Variants in GPRC6A observed in about 807,000 individuals in gnomAD.
The protein encoded by GPRC6A is G protein-coupled receptor class C group 6 member A, also known as G protein-coupled receptor family C group 6 member A.
A neutral mutation model predicts 47.0 loss-of-function variants in GPRC6A; 54 were observed. The observed-to-expected ratio is 1.15, with a 90% CI of 0.92 to 1.44. The LOEUF (loss-of-function observed/expected upper bound fraction) is 1.44, where lower values mean the gene tolerates loss of function less well. Ranked by LOEUF, GPRC6A falls within the 40% of genes most tolerant of loss-of-function variation. The pLI, the probability that GPRC6A is intolerant of heterozygous loss-of-function variation, is 0.00. For missense variants in GPRC6A, 1,112 were observed against 1,105.5 expected (o/e 1.01, Z -0.08); for synonymous variants, 347 against 377.1 (o/e 0.92, Z 0.93).
chr6:116,793,258 AC>A lies in GPRC6A; in HGVS notation c.1673-9del, dbSNP rs1405762108. 6.4e-7 allele frequency: 1 copy of A among 1,563,130 alleles called. No homozygotes were observed. The highest frequency in any genetic ancestry group is 1.2e-5 in the South Asian group (1 of 82,042). ...AAAGGCAGTGAGGCATATCTAAAAG[AC>A]AGAGGAGACGCAGTTACATTGTCAA... On this transcript the variant is annotated splice_polypyrimidine_tract_variant and intron_variant, in intron 5 of 5. Transcript: ENST00000310357.
At chr6:116,803,705 T>C (rs571990974) in intron 3 of GPRC6A, among the ~76,000 whole-genome samples, 116 of 152,256 alleles carry the variant, frequency 7.6e-4, no homozygotes, top group African/African-American at 2.7e-3. Flanking sequence ...TTCCTAAAGA[T>C]GCTGTGCTTT....
At chr6:116,801,576 A>T (rs899878704) in intron 3 of GPRC6A, among the ~76,000 whole-genome samples, 1 of 152,184 alleles carries the variant, frequency 6.6e-6, no homozygotes, top group Non-Finnish European at 1.5e-5. Flanking sequence ...TAAAATCTAT[A>T]GAATAAGGCA....
chr6:116,819,400 T>A (rs2114615927), intron 1 of GPRC6A, among the ~76,000 whole-genome samples: 1 of 151,324 alleles, frequency 6.6e-6, no homozygotes, highest in East Asian at 1.9e-4. Flanking sequence ...ATCAACAGAA[T>A]ATACATTTTT....
intron 1 of GPRC6A, among the ~76,000 whole-genome samples, chr6:116,816,852 G>A (rs1227873089): frequency 1.3e-5 from 2 of 152,122 alleles, no homozygotes; most frequent in African/African-American, 4.8e-5. Context: ...GGCGCACTAC[G>A]AGATTATATC....
rs138857695 is a variant in GPRC6A, at chr6:116,795,780, G to A, written c.1604C>T (p.Thr535Ile). The A allele has an allele frequency of 1.2e-6, 2 of 1,608,314 alleles. No homozygotes were observed. The highest frequency in any genetic ancestry group is 1.3e-5 in the African/African-American group (1 of 74,648). Residue 535 changes from threonine (T) to isoleucine (I), a missense_variant, in exon 5 of 6, where the codon ACA (threonine) becomes ATA (isoleucine). By Grantham distance (89) the Thr-to-Ile change is moderately conservative. Transcript: ENST00000310357. ...ATAGCAACAGATGTGTTGACTTCTTGTAGTTTTCTTCATTTGCCCAGGACT... is the reference window on the plus strand; with the variant it reads ...ATAGCAACAGATGTGTTGACTTCTTATAGTTTTCTTCATTTGCCCAGGACT... Reference protein sequence around the residue: ...ECSPGQMKKTTRSQHICCYEC... With the variant: ...ECSPGQMKKTIRSQHICCYEC...
intron 1 of GPRC6A, among the ~76,000 whole-genome samples, chr6:116,812,001 T>C (rs1188710880): frequency 6.6e-6 from 1 of 152,168 alleles, no homozygotes; most frequent in Non-Finnish European, 1.5e-5. Context: ...GCAAGAGGTT[T>C]AGACATCCAG....
chr6:116,823,868 A>AG (rs896203473), intron 1 of GPRC6A, among the ~76,000 whole-genome samples: 2 of 152,056 alleles, frequency 1.3e-5, no homozygotes, highest in African/African-American at 4.8e-5. Flanking sequence ...AGAAAGAGGG[A>AG]GGGGATATGC....
At chr6:116,821,492 G>A (rs1397907902) in intron 1 of GPRC6A, among the ~76,000 whole-genome samples, 1 of 151,996 alleles carries the variant, frequency 6.6e-6, no homozygotes, top group African/African-American at 2.4e-5. Context: ...AAACAGCATG[G>A]TACCGGTACC....
At position 116,792,167 on chromosome 6, in the gene GPRC6A, G is replaced by A. The variant is rs770531819; in HGVS notation, c.2756C>T (p.Pro919Leu). ...TCATATACTTGACATTCTTTTTCGA[G>A]GCAAAGTTTTAGATACACTTGTGGC... Reference protein sequence around the residue: ...ENATSVSKTLPRKRMSSI With the variant: ...ENATSVSKTLLRKRMSSI The change falls in exon 6 of 6, where the codon CCT becomes CTT. Residue 919 changes from proline (P) to leucine (L), a missense_variant. Pro to Leu is a moderately conservative substitution (Grantham distance 98). Coordinates refer to ENST00000310357, the MANE Select transcript of GPRC6A (RefSeq NM_148963.4). 14 of 1,612,982 alleles carry A rather than the reference G, an allele frequency of 8.7e-6. No homozygotes were observed. Among genetic ancestry groups the A allele is most frequent in the Non-Finnish European group, 1.2e-5 (14 of 1,179,510 alleles).
chr6:116,819,773 A>G (rs965074796), intron 1 of GPRC6A, among the ~76,000 whole-genome samples: 2 of 151,374 alleles, frequency 1.3e-5, no homozygotes, highest in African/African-American at 4.9e-5. Flanking sequence ...TCCAAAATTG[A>G]CACCCTAACA....
At chr6:116,809,807 T>C (rs1447249021) in intron 1 of GPRC6A, among the ~76,000 whole-genome samples, 190 bp from the exon 2 acceptor site, 1 of 152,150 alleles carries the variant, frequency 6.6e-6, no homozygotes, top group Non-Finnish European at 1.5e-5. Context: ...GAACCCACAG[T>C]TTCTTAAAAG....
Position 116,809,533 on chromosome 6 carries a change from G to T in GPRC6A, c.279C>A (p.Val93=). ...MINNSTLLPG[V]KLGYEIYDTC... ...TGTCATAGATTTCATACCCCAGTTTGACTCCAGGTAAGAGTGTTGAATTGT... is the reference window on the plus strand; with the variant it reads ...TGTCATAGATTTCATACCCCAGTTTTACTCCAGGTAAGAGTGTTGAATTGT... Residue 93 remains valine (V), a synonymous_variant, in exon 2 of 6, where the codon GTC becomes GTA. Transcript: ENST00000310357. 1.2e-6 allele frequency: 2 copies of T among 1,612,810 alleles called. No homozygotes were observed. Among genetic ancestry groups the T allele is most frequent in the South Asian group, 2.2e-5 (2 of 91,044 alleles).
chr6:116,795,667 G>C (rs780896014), intron 5 of GPRC6A, 45 bp downstream of exon 5: 1 of 1,445,228 alleles, frequency 6.9e-7, no homozygotes, highest in Admixed American at 2.3e-5. Flanking sequence ...GAAAAAAAAA[G>C]CCTAAGAGGA....
intron 1 of GPRC6A, among the ~76,000 whole-genome samples, chr6:116,823,289 G>A (rs1773566998): frequency 6.6e-6 from 1 of 152,108 alleles, no homozygotes; most frequent in Non-Finnish European, 1.5e-5. Context: ...TCTTCTGCCA[G>A]ATACCCTAAA....
At chr6:116,818,212 G>A (rs1773300634) in intron 1 of GPRC6A, among the ~76,000 whole-genome samples, 1 of 152,050 alleles carries the variant, frequency 6.6e-6, no homozygotes, top group Admixed American at 6.6e-5. Flanking sequence ...CCAGAAGAGA[G>A]TGGGGGCCAA....
intron 1 of GPRC6A, among the ~76,000 whole-genome samples, chr6:116,820,214 C>G (rs1773412475): frequency 6.6e-6 from 1 of 152,030 alleles, no homozygotes; most frequent in African/African-American, 2.4e-5. Context: ...TGGCAATAAT[C>G]AATAGTTTAC....
chr6:116,792,314 G>A lies in GPRC6A; in HGVS notation c.2609C>T (p.Ser870Leu). The change falls in exon 6 of 6, where the codon TCA (serine) becomes TTA (leucine). Residue 870 changes from serine (S) to leucine (L), a missense_variant. Ser to Leu is a moderately radical substitution (Grantham distance 145). Coordinates refer to ENST00000310357, the MANE Select transcript of GPRC6A (RefSeq NM_148963.4). ...GACATTGCCGCTCATGGAGTCCAGT[G>A]AAGCAGGACTCAGGGCAATGCTGCT... ...SVSSIALSPA[S>L]LDSMSGNVTM... 6.2e-7 allele frequency: 1 copy of A among 1,613,902 alleles called. No individual in the cohort carries two copies. Among genetic ancestry groups the A allele is most frequent in the Non-Finnish European group, 8.5e-7 (1 of 1,179,834 alleles).
chr6:116,807,942 T>C (rs1438327464), intron 2 of GPRC6A, among the ~76,000 whole-genome samples: 1 of 152,020 alleles, frequency 6.6e-6, no homozygotes, highest in Non-Finnish European at 1.5e-5. Context: ...ATAGATGCAA[T>C]AGTAACATGT....
chr6:116,814,521 C>T (rs1773139639), intron 1 of GPRC6A, among the ~76,000 whole-genome samples: 2 of 152,162 alleles, frequency 1.3e-5, no homozygotes, highest in African/African-American at 4.8e-5. Context: ...CCAGACACCA[C>T]ATGTTCTCAC....
Sources: allele counts gnomAD v4.1 joint callset (sites outside exome capture counted in the v4.1 genomes callset), GRCh38; gene constraint gnomAD v4.1.1; transcripts MANE v1.5; gene names NCBI Gene and HGNC (gene_info 2026-07-23, HGNC 2026-07-21).